The following APBA1 variants were observed in gnomAD, a reference collection of about 807,000 sequenced individuals.
APBA1 encodes the protein amyloid-beta A4 precursor protein-binding family A member 1.
In APBA1, 55 loss-of-function variants were observed where a neutral mutation model predicts 86.6. That is an observed-to-expected ratio of 0.64 (90% CI 0.51 to 0.80). The LOEUF is 0.80. Among genes scored for constraint, APBA1 ranks in the 30% least tolerant of loss-of-function variants. The pLI, the probability that APBA1 is intolerant of heterozygous loss-of-function variation, is 0.00. For synonymous variants in APBA1, 511 were observed against 493.9 expected (o/e 1.03, Z -0.46); for missense variants, 1,090 against 1,183.0 (o/e 0.92, Z 1.15).
intron 1 of APBA1, among the ~76,000 whole-genome samples, chr9:69,561,469 A>G (rs1483213611): frequency 1.3e-5 from 2 of 152,220 alleles, no homozygotes; most frequent in Non-Finnish European, 2.9e-5. Context: ...TGAGTTAAAC[A>G]ATAACATCAA....
chr9:69,642,375 C>T (rs12339793), intron 1 of APBA1, among the ~76,000 whole-genome samples: 172 of 152,264 alleles, frequency 1.1e-3, no homozygotes, highest in African/African-American at 3.9e-3. Context: ...CACTCAACAT[C>T]ATTAGTCATC....
chr9:69,594,844 G>C (rs1822198785), intron 1 of APBA1, among the ~76,000 whole-genome samples: 1 of 152,108 alleles, frequency 6.6e-6, no homozygotes, highest in African/African-American at 2.4e-5. Flanking sequence ...ATGTTTTGGA[G>C]TCTGACAAGA....
intron 1 of APBA1, among the ~76,000 whole-genome samples, chr9:69,642,217 A>C (rs968973009): frequency 6.6e-6 from 1 of 152,264 alleles, no homozygotes; most frequent in East Asian, 1.9e-4. Context: ...CAAAACACCT[A>C]TGTGATAAAA....
At chr9:69,646,718 G>T (rs888223654) in intron 1 of APBA1, among the ~76,000 whole-genome samples, 1 of 152,190 alleles carries the variant, frequency 6.6e-6, no homozygotes, top group Admixed American at 6.5e-5. Context: ...CTAATTCCAG[G>T]CAGTCTTTAG....
chr9:69,493,173 A>C (rs377637336), intron 2 of APBA1, among the ~76,000 whole-genome samples: 18 of 152,008 alleles, frequency 1.2e-4, no homozygotes, highest in Non-Finnish European at 2.5e-4. Context: ...TCAGTTCAAA[A>C]ATCTTCAGTC....
chr9:69,489,859 A>G (rs1231255295), intron 2 of APBA1, among the ~76,000 whole-genome samples: 3 of 152,116 alleles, frequency 2.0e-5, no homozygotes, highest in East Asian at 1.9e-4. Context: ...AAATAGGAAC[A>G]CTTTTACACT....
intron 9 of APBA1, among the ~76,000 whole-genome samples, chr9:69,451,707 C>T (rs535544210): frequency 3.3e-5 from 5 of 152,184 alleles, no homozygotes; most frequent in South Asian, 2.1e-4. Context: ...CAGAGAAGCA[C>T]AGCACCTCTT....
intron 5 of APBA1, 102 bp from the exon 6 acceptor site, chr9:69,458,290 A>G: frequency 9.7e-7 from 1 of 1,032,960 alleles, no homozygotes; most frequent in East Asian, 2.6e-5. Flanking sequence ...GAATAGTGGC[A>G]TAAAGCGTTT....
chr9:69,455,497 A>T (rs950886154), intron 8 of APBA1, among the ~76,000 whole-genome samples: 2 of 152,054 alleles, frequency 1.3e-5, no homozygotes, highest in Admixed American at 6.5e-5. Flanking sequence ...AGGCCAAATG[A>T]CAGAATGGCT....
chr9:69,528,458 G>A (rs1836376198), intron 1 of APBA1, among the ~76,000 whole-genome samples: 1 of 151,996 alleles, frequency 6.6e-6, no homozygotes, highest in East Asian at 1.9e-4. Context: ...AAACTCAGAG[G>A]GGAGATCTTG....
chr9:69,432,085 A>C (rs1834610726), intron 12 of APBA1, among the ~76,000 whole-genome samples: 1 of 152,262 alleles, frequency 6.6e-6, no homozygotes, highest in African/African-American at 2.4e-5. Context: ...ATGATGACTG[A>C]CTGACAGCTG....
At chr9:69,467,214 A>G (rs1352669004) in intron 5 of APBA1, among the ~76,000 whole-genome samples, 3 of 152,208 alleles carry the variant, frequency 2.0e-5, no homozygotes, top group Non-Finnish European at 4.4e-5. Flanking sequence ...TAAACCAGAT[A>G]AGAGTGGTTC....
At chr9:69,459,292 T>C (rs748322535) in intron 5 of APBA1, among the ~76,000 whole-genome samples, 3 of 152,374 alleles carry the variant, frequency 2.0e-5, no homozygotes, top group Non-Finnish European at 4.4e-5. Context: ...GTTCAATCAA[T>C]GACAATTAGG....
chr9:69,607,676 C>T (rs1213030594), intron 1 of APBA1, among the ~76,000 whole-genome samples: 5 of 152,162 alleles, frequency 3.3e-5, no homozygotes, highest in Non-Finnish European at 7.3e-5. Context: ...TAACTTTTGA[C>T]TTACTAAAGT....
chr9:69,594,657 T>C (rs996534527), intron 1 of APBA1, among the ~76,000 whole-genome samples: 1 of 152,146 alleles, frequency 6.6e-6, no homozygotes, highest in Non-Finnish European at 1.5e-5. Context: ...AATAACCTGA[T>C]TGAGGATTCT....
chr9:69,549,881 G>A (rs1252280430), intron 1 of APBA1, among the ~76,000 whole-genome samples: 4 of 152,044 alleles, frequency 2.6e-5, no homozygotes, highest in African/African-American at 9.7e-5. Flanking sequence ...TGAAAAATTG[G>A]AACTGAGTTT....
intron 1 of APBA1, among the ~76,000 whole-genome samples, chr9:69,660,215 G>T (rs754244274): frequency 2.0e-5 from 3 of 152,208 alleles, no homozygotes; most frequent in Non-Finnish European, 2.9e-5. Flanking sequence ...GTATGTTCAA[G>T]GCTTTGCTCT....
rs112455302 is a variant in APBA1 at position 69,633,085 on chromosome 9, CT to C, written c.-70+39067del. On this transcript the variant is annotated intron_variant, in intron 1 of 12. Coordinates refer to ENST00000265381, the MANE Select transcript of APBA1 (RefSeq NM_001163.4). ...GTGCAGGGTTTGAGAATCTTCCCTC[CT>C]TTTTTTTTTTTCCACCAGTAACTGT... Among the ~76,000 whole-genome samples, 1,066 of 143,714 alleles carry C rather than the reference CT, an allele frequency of 7.4e-3. 1 individual carries two copies. The highest frequency in any genetic ancestry group is 0.026 in the Middle Eastern group (7 of 274). 94.3% of individuals were successfully genotyped at this position (143,714 alleles called of 152,430 possible). A position where few individuals can be genotyped will look rare whatever the true frequency, so the allele number is the denominator to read the frequency against.
chr9:69,558,710 C>A lies in APBA1; in HGVS notation c.-69-41431G>T, dbSNP rs1396347457. 3.3e-5 allele frequency among the ~76,000 whole-genome samples: 5 copies of A among 151,920 alleles called. No individual in the cohort carries two copies. The South Asian group carries it at 6.2e-4, about 19-fold the overall frequency. On this transcript the variant is annotated intron_variant, in intron 1 of 12. Transcript: ENST00000265381. Reference sequence around the variant, plus strand: ...TCACCCAGATGTTATGCCTAGTACCCAATAGTTACTCTTCCTCCTCCCATC... The same window carrying A: ...TCACCCAGATGTTATGCCTAGTACCAAATAGTTACTCTTCCTCCTCCCATC...
Sources: allele counts gnomAD v4.1 joint callset (sites outside exome capture counted in the v4.1 genomes callset), GRCh38; gene constraint gnomAD v4.1.1; transcripts MANE v1.5; gene names NCBI Gene and HGNC (gene_info 2026-07-23, HGNC 2026-07-21).